The following LRRC7 variants were observed in gnomAD, a reference collection of about 807,000 sequenced individuals.
LRRC7 encodes the protein leucine-rich repeat-containing protein 7.
A neutral mutation model predicts 175.7 loss-of-function variants in LRRC7; 23 were observed. That is an observed-to-expected ratio of 0.13 (90% CI 0.09 to 0.19). The LOEUF (loss-of-function observed/expected upper bound fraction) is 0.19. Among genes scored for constraint, LRRC7 ranks in the 10% least tolerant of loss-of-function variants. The probability of loss-of-function intolerance (pLI) is 1.00; values close to 1 mark genes in which losing one functional copy is unlikely to be tolerated. For synonymous variants in LRRC7, 685 were observed against 680.9 expected (o/e 1.01, Z -0.09); for missense variants, 1,354 against 1,904.7 (o/e 0.71, Z 5.38).
intron 3 of LRRC7, among the ~76,000 whole-genome samples, chr1:69,761,313 A>G (rs1039811060): frequency 5.9e-5 from 9 of 152,064 alleles, no homozygotes; most frequent in Admixed American, 5.3e-4. Context: ...AATCAGAAAA[A>G]GAATCTTCCA....
intron 1 of LRRC7, among the ~76,000 whole-genome samples, chr1:69,628,277 C>T (rs559961435): frequency 4.6e-5 from 7 of 152,140 alleles, no homozygotes; most frequent in Middle Eastern, 3.4e-3. Flanking sequence ...AGTGCTTATA[C>T]CAAAGTCATA....
intron 1 of LRRC7, among the ~76,000 whole-genome samples, chr1:69,657,120 GTA>G (rs1467852807): frequency 1.3e-5 from 2 of 151,546 alleles, no homozygotes; most frequent in Non-Finnish European, 3.0e-5. Flanking sequence ...GTGTGTGTGT[GTA>G]TGTGTGTGTG....
At chr1:69,923,314 T>A (rs368998509) in intron 7 of LRRC7, among the ~76,000 whole-genome samples, 43 of 152,266 alleles carry the variant, frequency 2.8e-4, no homozygotes, top group Non-Finnish European at 4.9e-4. Flanking sequence ...ATGATTTATA[T>A]TCCTTTGGGT....
chr1:70,026,489 T>C (rs1328260191), intron 17 of LRRC7, among the ~76,000 whole-genome samples: 1 of 152,146 alleles, frequency 6.6e-6, no homozygotes, highest in South Asian at 2.1e-4. Flanking sequence ...TGCATCCCAA[T>C]GGACTTTGTC....
rs376846590 is a variant in LRRC7, at chr1:69,992,769, A to G, written c.932-1792A>G. On this transcript the variant is annotated intron_variant, in intron 10 of 26. Transcript: ENST00000651989. ...ACAAAAGTTTCTTGTGAGAGCCACT[A>G]CTCCAGTCTTCAGGATAATCTGTCA... Among the ~76,000 whole-genome samples, 97 of 152,196 alleles carry G rather than the reference A, an allele frequency of 6.4e-4. 2 individuals carry two copies. The South Asian group carries it at 0.019, about 30-fold the overall frequency.
intron 7 of LRRC7, among the ~76,000 whole-genome samples, chr1:69,861,809 T>A (rs950354237): frequency 1.4e-4 from 22 of 152,166 alleles, no homozygotes; most frequent in African/African-American, 5.3e-4. Flanking sequence ...CCCCGCAGTG[T>A]CTGTGTGTGG....
chr1:69,635,624 T>G (rs1653220187), intron 1 of LRRC7, among the ~76,000 whole-genome samples: 1 of 152,090 alleles, frequency 6.6e-6, no homozygotes, highest in Non-Finnish European at 1.5e-5. Flanking sequence ...GAAATTTATT[T>G]TACAGACCAC....
chr1:69,750,076 AT>A (rs1302697570), intron 2 of LRRC7, among the ~76,000 whole-genome samples: 1 of 108,946 alleles, frequency 9.2e-6, no homozygotes, highest in Non-Finnish European at 1.8e-5. Context: ...AAATAAATAA[AT>A]AAATAAATAA....
chr1:69,765,680 G>T (rs1021973586), intron 3 of LRRC7, among the ~76,000 whole-genome samples: 2 of 152,032 alleles, frequency 1.3e-5, no homozygotes, highest in African/African-American at 4.8e-5. Flanking sequence ...ATTAAGGTAT[G>T]CCTTCACTGA....
rs926613636 is a variant in LRRC7, at chr1:69,887,570, C to T, written c.648-43937C>T. 3.9e-5 allele frequency among the ~76,000 whole-genome samples: 6 copies of T among 152,038 alleles called. No individual in the cohort carries two copies. In the East Asian group the frequency reaches 1.2e-3, roughly 29 times the overall value. ...TCTTTGCCTTTGGTTTGAATGTCCT[C>T]CCATAGCTCAGAGTAATTTGATCGT... On this transcript the variant is annotated intron_variant, in intron 7 of 26. Coordinates refer to ENST00000651989, the MANE Select transcript of LRRC7 (RefSeq NM_001370785.2).
At chr1:69,784,611 GT>G (rs919225693) in intron 3 of LRRC7, among the ~76,000 whole-genome samples, 1 of 151,940 alleles carries the variant, frequency 6.6e-6, no homozygotes, top group Non-Finnish European at 1.5e-5. Context: ...CATCCTTTGG[GT>G]TTATTCTGTT....
chr1:69,781,726 A>G (rs1321780347), intron 3 of LRRC7, among the ~76,000 whole-genome samples: 2 of 33,708 alleles, frequency 5.9e-5, no homozygotes, highest in Non-Finnish European at 1.1e-4. Flanking sequence ...AAAGAAAGAA[A>G]GAAAGAAAGA....
At chr1:69,827,609 G>A (rs1680069409) in intron 5 of LRRC7, among the ~76,000 whole-genome samples, 1 of 151,988 alleles carries the variant, frequency 6.6e-6, no homozygotes, top group South Asian at 2.1e-4. Flanking sequence ...CAACACTTAG[G>A]CCAAAGCAGG....
In LRRC7 at chr1:70,127,380, A is replaced by G. The variant is rs1166281767; in HGVS notation, c.*5493A>G. Among the ~76,000 whole-genome samples the G allele has an allele frequency of 2.0e-5, 3 of 152,116 alleles. No individual in the cohort carries two copies. The highest frequency in any genetic ancestry group is 7.2e-5 in the African/African-American group (3 of 41,406). On this transcript the variant is annotated 3_prime_UTR_variant, in exon 27 of 27. Coordinates refer to ENST00000651989, the MANE Select transcript of LRRC7 (RefSeq NM_001370785.2). ...TGGAGAATTCAGAGATTTTTGAAAA[A>G]CCGAGGGGGCAAGTCTACTCTAAGT...
intron 3 of LRRC7, among the ~76,000 whole-genome samples, chr1:69,764,020 A>C (rs1305965565): frequency 6.6e-6 from 1 of 152,030 alleles, no homozygotes; most frequent in Non-Finnish European, 1.5e-5. Flanking sequence ...TCAAGGTAAA[A>C]GGCATTAGGG....
chr1:69,919,512 C>A, intron 7 of LRRC7: 1 of 827,270 alleles, frequency 1.2e-6, no homozygotes, highest in Non-Finnish European at 2.0e-6. Flanking sequence ...AGGGGGAGCC[C>A]GCCAGGGTCC....
chr1:69,932,284 T>C (rs1048400468), intron 8 of LRRC7, among the ~76,000 whole-genome samples: 2 of 152,206 alleles, frequency 1.3e-5, no homozygotes, highest in African/African-American at 2.4e-5. Context: ...TATTTTAAAA[T>C]TAAAAGATTT....
intron 4 of LRRC7, among the ~76,000 whole-genome samples, chr1:69,818,052 A>G (rs1678806394): frequency 6.6e-6 from 1 of 152,126 alleles, no homozygotes. Flanking sequence ...AGATGCTGGC[A>G]TCCACAAAGA....
At chr1:69,755,404 G>A (rs963558380) in intron 2 of LRRC7, among the ~76,000 whole-genome samples, 2 of 146,486 alleles carry the variant, frequency 1.4e-5, no homozygotes, top group African/African-American at 5.0e-5. Context: ...ATATGCAAAA[G>A]TATATATATA....
Sources: allele counts gnomAD v4.1 joint callset (sites outside exome capture counted in the v4.1 genomes callset), GRCh38; gene constraint gnomAD v4.1.1; transcripts MANE v1.5; gene names NCBI Gene and HGNC (gene_info 2026-07-23, HGNC 2026-07-21).